The following TRAPPC10 variants were observed in gnomAD, a reference collection of about 807,000 sequenced individuals.
The protein encoded by TRAPPC10 is TRAPP 130 kDa subunit.
A neutral mutation model predicts 125.5 loss-of-function variants in TRAPPC10; 23 were observed. That is an observed-to-expected ratio of 0.18 (90% CI 0.13 to 0.26). TRAPPC10 has a LOEUF of 0.26. Among genes scored for constraint, TRAPPC10 ranks in the 10% least tolerant of loss-of-function variants. TRAPPC10 has a pLI of 1.00. For synonymous variants in TRAPPC10, 509 were observed against 518.0 expected (o/e 0.98, Z 0.24); for missense variants, 1,123 against 1,308.4 (o/e 0.86, Z 2.19).
chr21:44,076,661 G>A lies in TRAPPC10; in HGVS notation c.1377+33G>A, dbSNP rs374831420. On this transcript the variant is annotated intron_variant, in intron 10 of 22. Transcript: ENST00000291574. ...TTAACAAGTGTTCAATGTCTGTTCT[G>A]TGAATACCTGTCTCTAGAAGGCTTT... The A allele has an allele frequency of 3.0e-4, 453 of 1,532,022 alleles. No individual in the cohort carries two copies. In the African/African-American group the frequency reaches 5.5e-3, roughly 19 times the overall value. The allele number at this position is 1,532,022 out of a possible 1,614,324, so 94.9% of individuals were successfully genotyped here.
chr21:44,082,319 G>A lies in TRAPPC10; in HGVS notation c.1724-469G>A, dbSNP rs2037812633. On this transcript the variant is annotated intron_variant, in intron 13 of 22. Transcript: ENST00000291574. The surrounding 1 kb of genome is among the most constrained non-coding windows in gnomAD (Gnocchi z 4.4). The stretch of plus-strand genomic sequence containing the variant: ...CATCCTGGGCCTGGGGGCACAGAGG[G>A]GTCCTGCTTAATCGGCTGACTTTGT... Among the ~76,000 whole-genome samples, 1 of 152,174 alleles carries A rather than the reference G, an allele frequency of 6.6e-6. No homozygotes were observed. The highest frequency in any genetic ancestry group is 2.1e-4 in the South Asian group (1 of 4,828).
intron 3 of TRAPPC10, among the ~76,000 whole-genome samples, chr21:44,050,237 T>A (rs1233329837): frequency 1.3e-5 from 2 of 152,086 alleles, no homozygotes; most frequent in African/African-American, 4.8e-5. Flanking sequence ...GCCCCAGGAT[T>A]ATGTGGAACT....
chr21:44,037,784 G>T lies in TRAPPC10; in HGVS notation c.150-8G>T. ...GTTTTCTCAGTGACTTCAAACAATT[G>T]TTTACAGGTCCTATGGCCGGGCTCC... On this transcript the variant is annotated splice_region_variant and splice_polypyrimidine_tract_variant and intron_variant, in intron 2 of 22. Coordinates refer to ENST00000291574, the MANE Select transcript of TRAPPC10 (RefSeq NM_003274.5). 6.2e-7 allele frequency: 1 copy of T among 1,610,672 alleles called. No homozygotes were observed. Among genetic ancestry groups the T allele is most frequent in the South Asian group, 1.1e-5 (1 of 90,664 alleles).
intron 1 of TRAPPC10, among the ~76,000 whole-genome samples, chr21:44,023,091 G>A (rs2032711327): frequency 7.4e-6 from 1 of 135,232 alleles, no homozygotes; most frequent in Non-Finnish European, 1.5e-5. Flanking sequence ...GGAGTGCAGT[G>A]GCTCCATCTT....
In TRAPPC10 at chr21:44,089,508, C is replaced by T. The variant is rs755160963; in HGVS notation, c.2770-325C>T. 46 of 483,304 alleles carry T rather than the reference C, an allele frequency of 9.5e-5. 2 individuals carry two copies. In the Middle Eastern group the frequency reaches 1.2e-3, roughly 13 times the overall value. The allele number at this position is 483,304 out of a possible 1,614,324, so 29.9% of individuals were successfully genotyped here. ...GTGCACATTGCAACATGCATGGCTCCGCGGCCCTGCGTGTATGGGAGCAGC... is the reference window on the plus strand; with the variant it reads ...GTGCACATTGCAACATGCATGGCTCTGCGGCCCTGCGTGTATGGGAGCAGC... On this transcript the variant is annotated intron_variant, in intron 17 of 22. Transcript: ENST00000291574.
At chr21:44,039,934 C>T (rs1601620812) in intron 3 of TRAPPC10, among the ~76,000 whole-genome samples, 2 of 152,184 alleles carry the variant, frequency 1.3e-5, no homozygotes, top group African/African-American at 4.8e-5. Flanking sequence ...CTCTTTCTTG[C>T]CTCTCATTTA....
At chr21:44,043,307 G>A (rs1448657802) in intron 3 of TRAPPC10, among the ~76,000 whole-genome samples, 2 of 143,438 alleles carry the variant, frequency 1.4e-5, no homozygotes, top group Admixed American at 1.5e-4. Context: ...TTTACCTCCC[G>A]GGTTCAAGCG....
intron 1 of TRAPPC10, among the ~76,000 whole-genome samples, chr21:44,025,828 GTGTGTGTGT>G (rs2032999441): frequency 1.9e-4 from 1 of 5,360 alleles, no homozygotes; most frequent in Admixed American, 2.0e-3. Flanking sequence ...AGGGGTGTGT[GTGTGTGTGT>G]GTGTGTGTGT....
chr21:44,084,640 G>T (rs1006783762), intron 15 of TRAPPC10, among the ~76,000 whole-genome samples: 1 of 152,198 alleles, frequency 6.6e-6, no homozygotes, highest in Admixed American at 6.5e-5. Context: ...CAAGCAAGCA[G>T]TCGGTCCTGC....
intron 1 of TRAPPC10, among the ~76,000 whole-genome samples, chr21:44,013,684 T>G (rs889873617): frequency 6.6e-6 from 1 of 152,264 alleles, no homozygotes; most frequent in Admixed American, 6.5e-5. Context: ...CTTATTTCTT[T>G]CCTTCCTTTT....
chr21:44,059,668 A>G lies in TRAPPC10; in HGVS notation c.790+454A>G, dbSNP rs2035888263. ...TTTAAATAATATCTTAAGCTCCTTT[A>G]CAATTAAAGAATTAGCACAGTGAAA... On this transcript the variant is annotated intron_variant, in intron 6 of 22. Transcript: ENST00000291574. The surrounding 1 kb of genome is among the most constrained non-coding windows in gnomAD (Gnocchi z 4.4). The G allele has an allele frequency of 1.1e-5, 6 of 560,894 alleles. No homozygotes were observed. In the South Asian group the frequency reaches 1.6e-4, roughly 15 times the overall value. 34.7% of individuals were successfully genotyped at this position (560,894 alleles called of 1,614,324 possible).
chr21:44,083,972 T>G, intron 14 of TRAPPC10, 150 bp from the exon 15 acceptor site: 1 of 782,084 alleles, frequency 1.3e-6, no homozygotes, highest in Non-Finnish European at 2.0e-6. Context: ...AGCCCAAGCT[T>G]AGAGGTTTAG....
At chr21:44,089,521 G>A (rs1365984733) in intron 17 of TRAPPC10, 5 of 493,372 alleles carry the variant, frequency 1.0e-5, no homozygotes, top group Admixed American at 2.3e-5. Flanking sequence ...GGCCCTGCGT[G>A]TATGGGAGCA....
At chr21:44,095,808 T>C (rs913769377) in intron 20 of TRAPPC10, among the ~76,000 whole-genome samples, 11 of 152,170 alleles carry the variant, frequency 7.2e-5, no homozygotes, top group Non-Finnish European at 2.9e-5. Flanking sequence ...GACCTCATGA[T>C]CCACCCCGCT....
intron 5 of TRAPPC10, among the ~76,000 whole-genome samples, chr21:44,057,768 G>A (rs555320177): frequency 3.3e-5 from 5 of 152,216 alleles, no homozygotes; most frequent in South Asian, 2.1e-4. Flanking sequence ...CTGTTTTCAC[G>A]GGAAACAGGA....
rs1569228099 is a variant in TRAPPC10 at position 44,094,319 on chromosome 21, C to T, written c.3168+86C>T. On this transcript the variant is annotated intron_variant, in intron 20 of 22. Coordinates refer to ENST00000291574, the MANE Select transcript of TRAPPC10 (RefSeq NM_003274.5). ...TTTATAATCTGAAGAACTGAATAGACAGCTTCTGTCAACATAATGAAGGAG... is the reference window on the plus strand; with the variant it reads ...TTTATAATCTGAAGAACTGAATAGATAGCTTCTGTCAACATAATGAAGGAG... 6 of 1,254,218 alleles carry T rather than the reference C, an allele frequency of 4.8e-6. No individual in the cohort carries two copies. In the Admixed American group the frequency reaches 8.8e-5, roughly 18 times the overall value. The allele number at this position is 1,254,218 out of a possible 1,614,324, so 77.7% of individuals were successfully genotyped here.
intron 3 of TRAPPC10, among the ~76,000 whole-genome samples, chr21:44,050,202 T>C (rs2035140618): frequency 6.6e-6 from 1 of 152,154 alleles, no homozygotes. Context: ...GGATGAGTGA[T>C]AGGCTGGATC....
intron 13 of TRAPPC10, among the ~76,000 whole-genome samples, chr21:44,081,031 T>C (rs1029001946): frequency 7.2e-6 from 1 of 139,574 alleles, no homozygotes; most frequent in Non-Finnish European, 1.5e-5. Context: ...TTTTTTTTTT[T>C]TTTTTTGACT....
intron 5 of TRAPPC10, among the ~76,000 whole-genome samples, chr21:44,056,729 C>CTG (rs2035622863): frequency 6.6e-6 from 1 of 152,102 alleles, no homozygotes; most frequent in African/African-American, 2.4e-5. Flanking sequence ...ACTGCAGGGG[C>CTG]TGAAGGAAGC....
Sources: gnomAD v4.1 joint callset for allele counts (sites outside exome capture counted in the v4.1 genomes callset) on GRCh38, gnomAD v4.1.1 for gene constraint, Gnocchi (gnomAD v3.1) non-coding constraint, MANE v1.5 for transcripts, NCBI Gene and HGNC (gene_info 2026-07-23, HGNC 2026-07-21) for gene names.